The following KANK1 variants were observed in gnomAD, a reference collection of about 807,000 sequenced individuals.
The protein encoded by KANK1 is KN motif and ankyrin repeat domain-containing protein 1.
A neutral mutation model predicts 106.2 loss-of-function variants in KANK1; 109 were observed. The observed-to-expected ratio is 1.03, with a 90% CI of 0.88 to 1.20. The LOEUF (loss-of-function observed/expected upper bound fraction) is 1.20. Ranked by LOEUF, KANK1 falls within the 50% of genes most tolerant of loss-of-function variation. The pLI, the probability that KANK1 is intolerant of heterozygous loss-of-function variation, is 0.00. For synonymous variants in KANK1, 873 were observed against 652.2 expected, an observed-to-expected ratio of 1.34 and a Z score of -5.16; for missense variants, 2,399 against 1,710.7, an observed-to-expected ratio of 1.40 and a Z score of -7.10.
At chr9:572,169 TTC>T (rs1554630847) in intron 1 of KANK1, among the ~76,000 whole-genome samples, 2,082 of 123,428 alleles carry the variant, frequency 0.017, 51 homozygotes, top group African/African-American at 0.041. Context: ...TTTTTTTTTT[TTC>T]TAAGAGACAG....
intron 3 of KANK1, chr9:492,175 G>T (rs555548699): frequency 1.3e-5 from 2 of 152,332 alleles, no homozygotes; most frequent in African/African-American, 4.8e-5. Context: ...AGTCATTATT[G>T]TCATCATAAT....
chr9:689,531 G>T (rs1022938636), intron 2 of KANK1, among the ~76,000 whole-genome samples: 1 of 152,152 alleles, frequency 6.6e-6, no homozygotes, highest in Non-Finnish European at 1.5e-5. Flanking sequence ...ACCCAACATG[G>T]TGCACACCTC....
At chr9:682,449 T>C (rs1817753707) in intron 2 of KANK1, among the ~76,000 whole-genome samples, 1 of 152,232 alleles carries the variant, frequency 6.6e-6, no homozygotes, top group Non-Finnish European at 1.5e-5. Context: ...TTTTATAATT[T>C]GGATATCAGC....
At chr9:646,450 A>G (rs957229850) in intron 1 of KANK1, among the ~76,000 whole-genome samples, 1 of 151,154 alleles carries the variant, frequency 6.6e-6, no homozygotes, top group Non-Finnish European at 1.5e-5. Flanking sequence ...CCAATGGTAC[A>G]TGAGTTCTCT....
intron 1 of KANK1, among the ~76,000 whole-genome samples, chr9:591,922 A>G (rs2804281): frequency 0.43 from 64,697 of 151,428 alleles, 15,840 homozygotes; most frequent in Non-Finnish European, 0.55. Flanking sequence ...GCCTCTGAAA[A>G]TGCTGGGATT....
chr9:503,954 G>C (rs150094051), upstream of KANK1, among the ~76,000 whole-genome samples: 385 of 152,236 alleles, frequency 2.5e-3, 2 homozygotes, highest in African/African-American at 9.0e-3. Context: ...TCCCCTTTCC[G>C]CCGAGGACTC....
intron 1 of KANK1, among the ~76,000 whole-genome samples, chr9:649,228 C>T (rs1296131235): frequency 1.3e-5 from 2 of 152,206 alleles, no homozygotes; most frequent in Non-Finnish European, 2.9e-5. Flanking sequence ...CTCTCCACCT[C>T]TGTTTCTTTC....
At chr9:680,778 CT>C (rs1417966883) in intron 2 of KANK1, 1 of 152,206 alleles carries the variant, frequency 6.6e-6, no homozygotes, top group Non-Finnish European at 1.5e-5. Context: ...GCGGCCCTAC[CT>C]GTGTACCCCT....
chr9:726,089 T>C lies in KANK1; in HGVS notation c.2699-3962T>C, dbSNP rs1830564898. On this transcript the variant is annotated intron_variant, in intron 3 of 11. Coordinates refer to ENST00000382297, the MANE Select transcript of KANK1 (RefSeq NM_015158.5). ...CTAATACATACATATGTAAATATAA[T>C]TATTTACTAATGCCAGTAGGCAGCA... 2.0e-5 allele frequency among the ~76,000 whole-genome samples: 3 copies of C among 152,332 alleles called. No individual in the cohort carries two copies. The South Asian group carries it at 6.2e-4, about 32-fold the overall frequency.
intron 10 of KANK1, 151 bp from the exon 11 acceptor site, chr9:744,340 G>C (rs962389893): frequency 7.8e-5 from 57 of 735,214 alleles, no homozygotes; most frequent in Admixed American, 4.3e-4. Context: ...TTCACCCTTA[G>C]AGGTCCCAAA....
intron 3 of KANK1, among the ~76,000 whole-genome samples, chr9:480,560 G>A (rs1200538480): frequency 6.6e-6 from 1 of 152,248 alleles, no homozygotes; most frequent in Non-Finnish European, 1.5e-5. Flanking sequence ...GCATTTAGCA[G>A]TAAAAAGTAA....
Position 525,651 on chromosome 9 carries a change from A to G in KANK1, c.-84+20897A>G, listed in dbSNP as rs1343719931. 2.0e-5 allele frequency among the ~76,000 whole-genome samples: 3 copies of G among 151,684 alleles called. No homozygotes were observed. In the East Asian group the frequency reaches 5.8e-4, roughly 29 times the overall value. ...CTGCCTCCGCTTCCCAAAGTGAGGC[A>G]TACAAAAAGCCGTAGAATTTCATAT... On this transcript the variant is annotated intron_variant, in intron 1 of 11. Coordinates refer to ENST00000382297, the MANE Select transcript of KANK1 (RefSeq NM_015158.5).
Position 730,139 on chromosome 9 carries a change from G to A in KANK1, c.2787G>A (p.Val929=). The change falls in exon 4 of 12, where the codon GTG becomes GTA. Residue 929 remains valine (V), a synonymous_variant. Transcript: ENST00000382297. The part of the protein sequence containing the change: ...SSQTSQPEQE[V]GTSEGKPISS... The stretch of plus-strand genomic sequence containing the variant: ...AGACATCCCAGCCTGAGCAAGAAGT[G>A]GGGACCTCAGAAGGAAAGCCAATCA... The A allele has an allele frequency of 1.2e-6, 2 of 1,614,164 alleles. No homozygotes were observed. Among genetic ancestry groups the A allele is most frequent in the Non-Finnish European group, 1.7e-6 (2 of 1,180,020 alleles).
At chr9:514,166 CT>C (rs1587398236) in intron 1 of KANK1, among the ~76,000 whole-genome samples, 2 of 70,020 alleles carry the variant, frequency 2.9e-5, no homozygotes, top group Non-Finnish European at 2.4e-5. Context: ...CTCCCTTCCT[CT>C]CTCCCTCCCT....
At chr9:531,059 G>C in intron 1 of KANK1, among the ~76,000 whole-genome samples, 1 of 152,126 alleles carries the variant, frequency 6.6e-6, no homozygotes, top group East Asian at 1.9e-4. Flanking sequence ...GCTGGTAAAG[G>C]TCAGAGTTTT....
At chr9:669,849 C>T (rs919821254) in intron 1 of KANK1, among the ~76,000 whole-genome samples, 1 of 152,048 alleles carries the variant, frequency 6.6e-6, no homozygotes, top group Non-Finnish European at 1.5e-5. Flanking sequence ...CTCTTGAACA[C>T]CAATAATTCT....
At chr9:679,433 G>T (rs141696483) in intron 2 of KANK1, among the ~76,000 whole-genome samples, 6,668 of 151,496 alleles carry the variant, frequency 0.044, 396 homozygotes, top group East Asian at 0.21. Context: ...ATTTTTTTTT[G>T]AGATGGAGTC....
chr9:643,710 G>T (rs1209557071), intron 1 of KANK1, among the ~76,000 whole-genome samples: 2 of 149,168 alleles, frequency 1.3e-5, no homozygotes, highest in African/African-American at 2.5e-5. Context: ...GTTTTTTTTG[G>T]GTTTTTTTTA....
At chr9:691,223 C>T (rs1819826202) in intron 2 of KANK1, among the ~76,000 whole-genome samples, 1 of 152,138 alleles carries the variant, frequency 6.6e-6, no homozygotes, top group African/African-American at 2.4e-5. Context: ...ATACAAGCTA[C>T]TTTAGCAAAA....
Sources: gnomAD v4.1 joint callset for allele counts (sites outside exome capture counted in the v4.1 genomes callset) on GRCh38, gnomAD v4.1.1 for gene constraint, MANE v1.5 for transcripts, NCBI Gene and HGNC (gene_info 2026-07-23, HGNC 2026-07-21) for gene names.